Variants in ALDH7A1 observed in about 807,000 individuals in gnomAD.
ALDH7A1 encodes alpha-aminoadipic semialdehyde dehydrogenase.
Under a neutral mutation model 79.9 loss-of-function variants are expected in ALDH7A1, and 63 were observed. The ratio of observed to expected loss-of-function variants is 0.79; its 90% CI spans 0.64 to 0.97. ALDH7A1 has a LOEUF of 0.97. Ranked by LOEUF, ALDH7A1 falls within the 50% of genes least tolerant of loss-of-function variation. ALDH7A1 has a pLI of 0.00. For synonymous variants in ALDH7A1, 240 were observed against 231.2 expected, an observed-to-expected ratio of 1.04 and a Z score of -0.34; for missense variants, 627 against 665.2, an observed-to-expected ratio of 0.94 and a Z score of 0.63.
chr5:126,545,017 G>A lies in ALDH7A1; in HGVS notation c.1568C>T (p.Thr523Ile). 6.2e-7 allele frequency: 1 copy of A among 1,605,032 alleles called. No individual in the cohort carries two copies. Among genetic ancestry groups the A allele is most frequent in the Non-Finnish European group, 8.5e-7 (1 of 1,171,818 alleles). The stretch of plus-strand genomic sequence containing the variant: ...AGGAAGGTCTTTACTGTAGTTGATA[G>A]TACTAGTGGGAAAAAATAACAGAAT... ...WKQYMRRSTC[T>I]INYSKDLPLA... Residue 523 changes from threonine to isoleucine, a missense_variant and splice_region_variant, in exon 18 of 18, where the codon ACT becomes ATT. Thr to Ile is a moderately conservative substitution (Grantham distance 89). Transcript: ENST00000409134.
intron 10 of ALDH7A1, among the ~76,000 whole-genome samples, chr5:126,560,572 T>C (rs1750370540): frequency 6.6e-6 from 1 of 152,200 alleles, no homozygotes; most frequent in African/African-American, 2.4e-5. Flanking sequence ...AGCATTTTTG[T>C]GACAAACTCA....
At chr5:126,574,325 G>A (rs1367175380) in intron 7 of ALDH7A1, among the ~76,000 whole-genome samples, 2 of 151,868 alleles carry the variant, frequency 1.3e-5, no homozygotes, top group Non-Finnish European at 2.9e-5. Context: ...ACTTGAACCA[G>A]GGAGTCGGAG....
intron 5 of ALDH7A1, among the ~76,000 whole-genome samples, chr5:126,577,414 A>T (rs1418659458): frequency 6.6e-6 from 1 of 152,196 alleles, no homozygotes; most frequent in Admixed American, 6.5e-5. Context: ...TCATAATGAT[A>T]TTCATTATGC....
chr5:126,585,789 C>T (rs1182374814), intron 3 of ALDH7A1, among the ~76,000 whole-genome samples: 1 of 152,138 alleles, frequency 6.6e-6, no homozygotes, highest in Non-Finnish European at 1.5e-5. Flanking sequence ...TCTCGAACTC[C>T]TGATCCCAGG....
chr5:126,546,539 C>T, intron 16 of ALDH7A1, 140 bp from the exon 17 acceptor site: 1 of 745,692 alleles, frequency 1.3e-6, no homozygotes, highest in Non-Finnish European at 2.3e-6. Flanking sequence ...AATATCTCCC[C>T]TGCAAACAAA....
chr5:126,571,623 T>A (rs1028258724), intron 7 of ALDH7A1, among the ~76,000 whole-genome samples: 2 of 152,098 alleles, frequency 1.3e-5, no homozygotes, highest in African/African-American at 4.8e-5. Context: ...GACAGCAGAC[T>A]GATCACTGGG....
intron 9 of ALDH7A1, among the ~76,000 whole-genome samples, chr5:126,566,860 A>G (rs1750600625): frequency 6.6e-6 from 1 of 152,174 alleles, no homozygotes; most frequent in Non-Finnish European, 1.5e-5. Flanking sequence ...AGAAATGATG[A>G]CATTTTTCTT....
Position 126,544,515 on chromosome 5 carries a change from T to G in ALDH7A1, c.*450A>C. 4.5e-6 allele frequency: 1 copy of G among 220,422 alleles called. No individual in the cohort carries two copies. The highest frequency in any genetic ancestry group is 9.1e-6 in the Non-Finnish European group (1 of 110,256). 13.7% of individuals were successfully genotyped at this position (220,422 alleles called of 1,614,324 possible). The stretch of plus-strand genomic sequence containing the variant: ...GCATCCCCCTTTCAATCACACGACA[T>G]CCAACACATGCCATAGGTGGGTAAT... On this transcript the variant is annotated 3_prime_UTR_variant, in exon 18 of 18. Transcript: ENST00000409134.
At chr5:126,592,226 G>A (rs182157287) in intron 3 of ALDH7A1, 8 of 183,896 alleles carry the variant, frequency 4.4e-5, no homozygotes, top group Admixed American at 2.8e-4. Context: ...CACCAGGTGC[G>A]ATCTGCTGTT....
At chr5:126,553,095 C>T (rs1750061297) in intron 13 of ALDH7A1, among the ~76,000 whole-genome samples, 1 of 151,980 alleles carries the variant, frequency 6.6e-6, no homozygotes, top group African/African-American at 2.4e-5. Flanking sequence ...TTATTCCTTG[C>T]CTTAACTGAC....
In ALDH7A1 at chr5:126,544,923, G is replaced by C. The variant is rs371971136; in HGVS notation, c.*42C>G. Reference sequence around the variant, plus strand: ...TTCTTTGTCTTCTCCAAAAACAGCTGCTGGAACACCTCAAATTAAGGGATG... The same window carrying C: ...TTCTTTGTCTTCTCCAAAAACAGCTCCTGGAACACCTCAAATTAAGGGATG... On this transcript the variant is annotated 3_prime_UTR_variant, in exon 18 of 18. Transcript: ENST00000409134. The C allele has an allele frequency of 5.9e-6, 9 of 1,524,206 alleles. No individual in the cohort carries two copies. In the East Asian group the frequency reaches 6.8e-5, roughly 11 times the overall value. The allele number at this position is 1,524,206 out of a possible 1,614,324, so 94.4% of individuals were successfully genotyped here. A position where few individuals can be genotyped will look rare whatever the true frequency, so the allele number is the denominator to read the frequency against.
At chr5:126,569,901 C>A (rs1458457078) in intron 8 of ALDH7A1, 2 of 152,148 alleles carry the variant, frequency 1.3e-5, no homozygotes, top group Non-Finnish European at 2.9e-5. Context: ...TTTAGCCACA[C>A]CAGTATGGGT....
At chr5:126,565,002 G>A (rs765912379) in intron 9 of ALDH7A1, among the ~76,000 whole-genome samples, 4 of 152,124 alleles carry the variant, frequency 2.6e-5, no homozygotes, top group Non-Finnish European at 5.9e-5. Context: ...ACAAACTACC[G>A]CCTTGAGTAA....
Position 126,595,215 on chromosome 5 carries a change from G to C in ALDH7A1, c.-17C>G. On this transcript the variant is annotated 5_prime_UTR_variant, in exon 1 of 18. Coordinates refer to ENST00000409134, the MANE Select transcript of ALDH7A1 (RefSeq NM_001182.5). ...GCGCCACATACTGAGCCCGGGACTC[G>C]GGATGAGCCCAAGGCCCTGAGAGCT... The C allele has an allele frequency of 1.3e-6, 2 of 1,551,692 alleles. No individual in the cohort carries two copies. Among genetic ancestry groups the C allele is most frequent in the Non-Finnish European group, 1.7e-6 (2 of 1,147,012 alleles).
Position 126,555,924 on chromosome 5 carries a change from TACTC to T in ALDH7A1, c.1093+3_1093+6del. The T allele has an allele frequency of 6.2e-7, 1 of 1,603,642 alleles. No homozygotes were observed. The highest frequency in any genetic ancestry group is 8.5e-7 in the Non-Finnish European group (1 of 1,171,112). ...GGATCGCTTTGAAAGCAGAAGGAGA[TACTC>T]ACGGTCCCATGGGTTCCCAACTCGG... On this transcript the variant is annotated splice_donor_5th_base_variant and intron_variant, in intron 12 of 17. Coordinates refer to ENST00000409134, the MANE Select transcript of ALDH7A1 (RefSeq NM_001182.5).
chr5:126,546,360 C>A lies in ALDH7A1; in HGVS notation c.1529G>T (p.Ser510Ile). 1 of 1,614,210 alleles carries A rather than the reference C, an allele frequency of 6.2e-7. No individual in the cohort carries two copies. The change falls in exon 17 of 18, where the codon AGT (serine) becomes ATT (isoleucine). Residue 510 changes from serine (S) to isoleucine (I), a missense_variant. Transcript: ENST00000409134. ...TCTCATGTACTGTTTCCAGGCATCACTGCCAGACTCCCTGCCACCACCAGT... is the reference window on the plus strand; with the variant it reads ...TCTCATGTACTGTTTCCAGGCATCAATGCCAGACTCCCTGCCACCACCAGT... The part of the protein sequence containing the change: ...KHTGGGRESG[S>I]DAWKQYMRRS...
At chr5:126,573,622 C>T (rs1302110392) in intron 7 of ALDH7A1, among the ~76,000 whole-genome samples, 3 of 150,412 alleles carry the variant, frequency 2.0e-5, no homozygotes, top group South Asian at 2.1e-4. Flanking sequence ...CGCTTGAACC[C>T]GGGAGGCAGA....
chr5:126,583,015 T>C, intron 4 of ALDH7A1, 41 bp from the exon 5 acceptor site: 5 of 1,612,534 alleles, frequency 3.1e-6, no homozygotes, highest in Non-Finnish European at 4.2e-6. Flanking sequence ...TCCAACAGAA[T>C]TCACATTATA....
intron 11 of ALDH7A1, among the ~76,000 whole-genome samples, chr5:126,556,677 T>G (rs1468161048): frequency 1.3e-5 from 2 of 152,228 alleles, no homozygotes; most frequent in Non-Finnish European, 2.9e-5. Flanking sequence ...TAGTCATAAC[T>G]GACCTCTGCT....
Sources: gnomAD v4.1 joint callset for allele counts (sites outside exome capture counted in the v4.1 genomes callset) on GRCh38, gnomAD v4.1.1 for gene constraint, MANE v1.5 for transcripts, NCBI Gene and HGNC (gene_info 2026-07-23, HGNC 2026-07-21) for gene names.